ZBTB49: variants seen among roughly 807,000 people sequenced by gnomAD.
ZBTB49 encodes the protein zinc finger and BTB domain containing 49.
In ZBTB49, 43 loss-of-function variants were observed where a neutral mutation model predicts 57.5. The observed-to-expected ratio is 0.75, with a 90% CI of 0.59 to 0.97. ZBTB49 has a LOEUF of 0.97. ZBTB49 is among the 50% of genes least tolerant of loss of function. ZBTB49 has a pLI of 0.00. For synonymous variants in ZBTB49, 369 were observed against 362.1 expected (o/e 1.02, Z -0.22); for missense variants, 938 against 947.7 (o/e 0.99, Z 0.13).
At position 4,321,311 on chromosome 4, in the gene ZBTB49, C is replaced by T. The variant is rs748477094; in HGVS notation, c.2293C>T (p.Gln765Ter). ...KTLQNENELD[Q>*] is the part of the protein sequence containing the mutation. The stretch of plus-strand genomic sequence containing the variant: ...GCTGCAGAATGAAAACGAGTTAGAC[C>T]AGTGATGTACCGCGCTTCTCCACGG... Residue 765 changes from glutamine (Q) to a stop codon, truncating the protein, a stop_gained, in exon 8 of 8, where the codon CAG becomes TAG. Coordinates refer to ENST00000337872, the MANE Select transcript of ZBTB49 (RefSeq NM_145291.4). LOFTEE classifies it high-confidence loss of function. 3.0e-5 allele frequency: 49 copies of T among 1,609,262 alleles called. No homozygotes were observed. In the East Asian group the frequency reaches 1.0e-3, roughly 34 times the overall value.
At chr4:4,291,022 T>A (rs1052358158) in intron 1 of ZBTB49, among the ~76,000 whole-genome samples, 1 of 152,170 alleles carries the variant, frequency 6.6e-6, no homozygotes, top group African/African-American at 2.4e-5. Context: ...CTTAAATGAA[T>A]GAATGAAAGT....
At chr4:4,313,803 C>A (rs1435856915) in intron 5 of ZBTB49, among the ~76,000 whole-genome samples, 1 of 152,260 alleles carries the variant, frequency 6.6e-6, no homozygotes, top group Admixed American at 6.5e-5. Context: ...GCCAGGACAA[C>A]AGGCATCAGC....
intron 4 of ZBTB49, among the ~76,000 whole-genome samples, chr4:4,310,534 G>A (rs2108890649): frequency 7.1e-6 from 1 of 141,128 alleles, no homozygotes; most frequent in East Asian, 2.1e-4. Flanking sequence ...TTTTGAGATG[G>A]AGTCTTGCTC....
intron 7 of ZBTB49, among the ~76,000 whole-genome samples, chr4:4,317,250 G>A (rs1314815377): frequency 6.6e-6 from 1 of 152,138 alleles, no homozygotes; most frequent in African/African-American, 2.4e-5. Context: ...TTCACACTCT[G>A]ATGAGGTCAG....
At chr4:4,298,807 C>A (rs1326815000) in intron 1 of ZBTB49, among the ~76,000 whole-genome samples, 1 of 152,176 alleles carries the variant, frequency 6.6e-6, no homozygotes, top group African/African-American at 2.4e-5. Flanking sequence ...AAATCATCCC[C>A]TACTAGACTG....
At chr4:4,317,204 T>A (rs2920200) in intron 7 of ZBTB49, among the ~76,000 whole-genome samples, 152,178 of 152,350 alleles carry the variant, frequency 1, 76,003 homozygotes, top group Non-Finnish European at 1. Flanking sequence ...TGCCCCACTT[T>A]GGGTTCTGCC....
chr4:4,312,901 T>C (rs528011444), intron 4 of ZBTB49, 140 bp from the exon 5 acceptor site: 71 of 914,764 alleles, frequency 7.8e-5, no homozygotes, highest in Non-Finnish European at 1.0e-4. Context: ...ATGGCTTCTT[T>C]TGAGTTGTGT....
intron 1 of ZBTB49, among the ~76,000 whole-genome samples, chr4:4,299,245 C>T (rs543139017): frequency 6.6e-6 from 1 of 151,206 alleles, no homozygotes; most frequent in South Asian, 2.1e-4. Context: ...ACCTGCACAG[C>T]TCCTTCCCTT....
chr4:4,304,643 T>C (rs1720660081), intron 3 of ZBTB49, among the ~76,000 whole-genome samples: 1 of 152,202 alleles, frequency 6.6e-6, no homozygotes. Context: ...TACTGGCACA[T>C]AAATATTCTA....
chr4:4,291,018 T>G (rs145470199), intron 1 of ZBTB49, among the ~76,000 whole-genome samples: 4 of 152,318 alleles, frequency 2.6e-5, no homozygotes, highest in African/African-American at 7.2e-5. Context: ...GTTGCTTAAA[T>G]GAATGAATGA....
intron 4 of ZBTB49, among the ~76,000 whole-genome samples, chr4:4,309,268 C>T (rs957329342): frequency 6.6e-6 from 1 of 152,176 alleles, no homozygotes; most frequent in Non-Finnish European, 1.5e-5. Context: ...ACAGAAGCTG[C>T]ATCTGTCCGT....
intron 5 of ZBTB49, 63 bp downstream of exon 5, chr4:4,313,177 G>A: frequency 6.3e-7 from 1 of 1,595,422 alleles, no homozygotes. Context: ...GTCTTTGGTA[G>A]TCAGTGTCTT....
At chr4:4,307,723 G>A (rs1720801458) in intron 4 of ZBTB49, among the ~76,000 whole-genome samples, 1 of 152,052 alleles carries the variant, frequency 6.6e-6, no homozygotes, top group Non-Finnish European at 1.5e-5. Context: ...TGGTTTGATG[G>A]GAAAAGCATG....
intron 1 of ZBTB49, among the ~76,000 whole-genome samples, chr4:4,295,543 G>T (rs1720156058): frequency 6.6e-6 from 1 of 152,206 alleles, no homozygotes; most frequent in South Asian, 2.1e-4. Flanking sequence ...TTAAAAGAAT[G>T]ATAAACTTAG....
intron 4 of ZBTB49, among the ~76,000 whole-genome samples, chr4:4,308,154 T>A (rs1720820866): frequency 6.6e-6 from 1 of 152,206 alleles, no homozygotes; most frequent in South Asian, 2.1e-4. Flanking sequence ...CTGGGCTCAC[T>A]GCAACCTCTG....
chr4:4,315,715 C>A lies in ZBTB49; in HGVS notation c.1456C>A (p.Arg486=). The A allele has an allele frequency of 6.2e-7, 1 of 1,613,806 alleles. No homozygotes were observed. Among genetic ancestry groups the A allele is most frequent in the South Asian group, 1.1e-5 (1 of 90,978 alleles). ...ACCACACTTGTGTGACATCTGTGGT[C>A]GAGGTACAGCTGAGTGTTTTCCTAT... ...EKPHLCDICG[R]GFSNFSNLKE... The change falls in exon 6 of 8, where the codon CGA becomes AGA. Residue 486 remains arginine, a synonymous_variant. Coordinates refer to ENST00000337872, the MANE Select transcript of ZBTB49 (RefSeq NM_145291.4).
chr4:4,314,558 G>A (rs1354126893), intron 5 of ZBTB49, among the ~76,000 whole-genome samples: 1 of 152,124 alleles, frequency 6.6e-6, no homozygotes, highest in East Asian at 1.9e-4. Context: ...TTTTAGTAGA[G>A]ACGGGGTTTC....
At chr4:4,307,174 G>A (rs945935931) in intron 4 of ZBTB49, among the ~76,000 whole-genome samples, 2 of 152,178 alleles carry the variant, frequency 1.3e-5, no homozygotes, top group South Asian at 2.1e-4. Flanking sequence ...CTCTCATCGC[G>A]TACTCGGTCG....
rs577987301 is a variant in ZBTB49, at chr4:4,302,919, C to T, written c.1083C>T (p.Val361=). The T allele has an allele frequency of 2.2e-5, 35 of 1,614,152 alleles. 1 individual carries two copies. The highest frequency in any genetic ancestry group is 8.3e-5 in the Admixed American group (5 of 60,016). Residue 361 remains valine, a synonymous_variant, in exon 3 of 8, where the codon GTC becomes GTT. Transcript: ENST00000337872. The part of the protein sequence containing the change: ...QSAEEKESEE[V]VSCENFNCIS... ...CTGAAGAAAAAGAAAGTGAAGAAGT[C>T]GTCAGTTGTGAGAATTTTAATTGCA...
Sources: gnomAD v4.1 joint callset for allele counts (sites outside exome capture counted in the v4.1 genomes callset) on GRCh38, gnomAD v4.1.1 for gene constraint, MANE v1.5 for transcripts, NCBI Gene and HGNC (gene_info 2026-07-23, HGNC 2026-07-21) for gene names.